DEPDC5: variants seen among roughly 807,000 people sequenced by gnomAD.
DEPDC5 encodes DEP domain containing 5, GATOR1 subcomplex subunit.
Under a neutral mutation model 217.3 loss-of-function variants are expected in DEPDC5, and 73 were observed. The observed-to-expected ratio is 0.34, with a 90% confidence interval of 0.28 to 0.41. DEPDC5 has a LOEUF of 0.41. DEPDC5 is among the 10% of genes least tolerant of loss of function. The pLI, the probability that DEPDC5 is intolerant of heterozygous loss-of-function variation, is 1.00. For synonymous variants in DEPDC5, 733 were observed against 756.7 expected (o/e 0.97, Z 0.51); for missense variants, 1,675 against 2,070.1 (o/e 0.81, Z 3.70).
chr22:31,847,310 G>A (rs1602386276), intron 31 of DEPDC5, among the ~76,000 whole-genome samples: 1 of 151,792 alleles, frequency 6.6e-6, no homozygotes, highest in East Asian at 1.9e-4. Context: ...TTGAGGCCAG[G>A]AGTTTGAGAC....
At chr22:31,845,287 C>T in intron 30 of DEPDC5, 50 bp downstream of exon 30, 2 of 1,568,488 alleles carry the variant, frequency 1.3e-6, no homozygotes, top group South Asian at 2.3e-5. Flanking sequence ...GATGCAGGGC[C>T]TGCCACCTCC....
At chr22:31,889,541 CTTTTTTTTTTTTTT>C (rs136874) in intron 38 of DEPDC5, among the ~76,000 whole-genome samples, 1 of 99,596 alleles carries the variant, frequency 1.0e-5, no homozygotes, top group African/African-American at 3.9e-5. Flanking sequence ...GGCAAAACTT[CTTTTTTTTTTTTTT>C]TTTTTTTTTT....
In DEPDC5 at chr22:31,778,135, G is replaced by A; in HGVS notation, c.450G>A (p.Lys150=). ...QAGELWVKNE[K]VMCGYISEDT... is the part of the protein sequence containing the mutation. ...GTGAACTGTGGGTTAAGAATGAGAAGGTCATGTGTGGCTACATCAGTGAAG... is the reference window on the plus strand; with the variant it reads ...GTGAACTGTGGGTTAAGAATGAGAAAGTCATGTGTGGCTACATCAGTGAAG... Residue 150 remains lysine, a synonymous_variant, in exon 8 of 43, where the codon AAG becomes AAA. Transcript: ENST00000651528. The A allele has an allele frequency of 6.2e-7, 1 of 1,614,168 alleles. No individual in the cohort carries two copies. Among genetic ancestry groups the A allele is most frequent in the Non-Finnish European group, 8.5e-7 (1 of 1,180,036 alleles).
chr22:31,792,211 A>G (rs2085745306), intron 11 of DEPDC5, 109 bp downstream of exon 11: 4 of 774,184 alleles, frequency 5.2e-6, no homozygotes, highest in South Asian at 4.6e-5. Context: ...CACCCTTCCC[A>G]TCTTTTCTGT....
intron 6 of DEPDC5, among the ~76,000 whole-genome samples, chr22:31,767,686 C>G (rs1601658729): frequency 6.6e-6 from 1 of 152,076 alleles, no homozygotes; most frequent in East Asian, 1.9e-4. Context: ...CCCACCTTGG[C>G]CTCCCAAAGT....
intron 34 of DEPDC5, among the ~76,000 whole-genome samples, chr22:31,872,733 A>AT: frequency 7.4e-6 from 1 of 135,512 alleles, no homozygotes; most frequent in East Asian, 2.0e-4. Context: ...AAATGTGGAC[A>AT]TTTTTTATTT....
chr22:31,806,332 G>A lies in DEPDC5; in HGVS notation c.1287+141G>A, dbSNP rs2087535049. 1.3e-5 allele frequency: 9 copies of A among 691,870 alleles called. No homozygotes were observed. In the East Asian group the frequency reaches 2.5e-4, roughly 19 times the overall value. The allele number at this position is 691,870 out of a possible 1,614,324, so 42.9% of individuals were successfully genotyped here. A position where few individuals can be genotyped will look rare whatever the true frequency, so the allele number is the denominator to read the frequency against. The stretch of plus-strand genomic sequence containing the variant: ...ATGAGCCATTCTGCCCAGCCAAGAA[G>A]GTAGATTTCATTAATCAGCAGAGAG... On this transcript the variant is annotated intron_variant, in intron 18 of 42. Transcript: ENST00000651528.
At chr22:31,764,449 T>C (rs575800026) in intron 4 of DEPDC5, among the ~76,000 whole-genome samples, 3 of 152,238 alleles carry the variant, frequency 2.0e-5, no homozygotes, top group Admixed American at 1.3e-4. Context: ...AGAGTCTCAT[T>C]CTGTCACCCA....
chr22:31,840,142 G>A (rs1335032720), intron 27 of DEPDC5, among the ~76,000 whole-genome samples: 1 of 152,154 alleles, frequency 6.6e-6, no homozygotes, highest in Admixed American at 6.5e-5. Flanking sequence ...GGCTGAGGGA[G>A]AAGTCATGGG....
chr22:31,771,938 G>C (rs1041230573), intron 7 of DEPDC5, among the ~76,000 whole-genome samples: 1 of 151,936 alleles, frequency 6.6e-6, no homozygotes, highest in Admixed American at 6.6e-5. Context: ...TCATGGTGGC[G>C]CTTGTAGTCC....
chr22:31,812,556 CT>C (rs2088526134), intron 20 of DEPDC5, among the ~76,000 whole-genome samples: 1 of 149,966 alleles, frequency 6.7e-6, no homozygotes, highest in African/African-American at 2.4e-5. Flanking sequence ...TCCCGAGTAG[CT>C]GGGACTACAG....
At chr22:31,813,019 T>C (rs1568986460) in intron 20 of DEPDC5, among the ~76,000 whole-genome samples, 1 of 152,136 alleles carries the variant, frequency 6.6e-6, no homozygotes, top group Non-Finnish European at 1.5e-5. Context: ...GGATTATAGG[T>C]GTGAGCCACT....
chr22:31,848,242 G>A (rs895235976), intron 31 of DEPDC5, among the ~76,000 whole-genome samples: 29 of 152,168 alleles, frequency 1.9e-4, no homozygotes, highest in African/African-American at 5.1e-4. Context: ...GATGCAAGCC[G>A]TCGGTGGATC....
intron 31 of DEPDC5, 109 bp downstream of exon 31, chr22:31,847,076 ATT>A: frequency 1.3e-6 from 2 of 1,495,020 alleles, no homozygotes; most frequent in Non-Finnish European, 1.8e-6. Flanking sequence ...GGAGCTTGTA[ATT>A]AGGGAGAAGG....
Position 31,893,649 on chromosome 22 carries a change from G to A in DEPDC5, c.4101G>A (p.Leu1367=). The change falls in exon 39 of 43, where the codon CTG becomes CTA. Residue 1367 remains leucine, a synonymous_variant. Coordinates refer to ENST00000651528, the MANE Select transcript of DEPDC5 (RefSeq NM_001242896.3). ...DVDVNNRTDR[L]EWCSCYYHGN... ...ACGTGAACAACCGCACAGACCGGCT[G>A]GAGTGGTGCAGCTGTTATTACCATG... is the stretch of plus-strand genomic sequence containing the variant. 1 of 1,613,986 alleles carries A rather than the reference G, an allele frequency of 6.2e-7. No homozygotes were observed.
chr22:31,850,371 A>G (rs2149064363), intron 31 of DEPDC5, among the ~76,000 whole-genome samples: 1 of 152,276 alleles, frequency 6.6e-6, no homozygotes, highest in East Asian at 1.9e-4. Flanking sequence ...GTGCAATAAG[A>G]TATTTTGAGA....
intron 41 of DEPDC5, among the ~76,000 whole-genome samples, chr22:31,902,413 T>C (rs2093665925): frequency 8.9e-6 from 1 of 112,090 alleles, no homozygotes; most frequent in Admixed American, 9.7e-5. Flanking sequence ...CCTTATTATA[T>C]ATATATATAT....
chr22:31,766,996 T>A (rs1413927567), intron 6 of DEPDC5, among the ~76,000 whole-genome samples: 1 of 152,118 alleles, frequency 6.6e-6, no homozygotes, highest in Non-Finnish European at 1.5e-5. Flanking sequence ...TATCCCTAAT[T>A]TATAGAGGTA....
chr22:31,804,113 GTC>G, intron 15 of DEPDC5, 47 bp from the exon 16 acceptor site: 1 of 1,577,398 alleles, frequency 6.3e-7, no homozygotes, highest in Non-Finnish European at 8.7e-7. Flanking sequence ...AGGGACACTT[GTC>G]TCTGCCATTC....
Sources: allele counts gnomAD v4.1 joint callset (sites outside exome capture counted in the v4.1 genomes callset), GRCh38; gene constraint gnomAD v4.1.1; transcripts MANE v1.5; gene names NCBI Gene and HGNC (gene_info 2026-07-23, HGNC 2026-07-21).